Variants in DPP6 observed in about 807,000 individuals in gnomAD.
DPP6 encodes dipeptidyl peptidase like 6.
DPP6 carries 69 observed loss-of-function variants against 122.6 expected under a neutral mutation model. The observed-to-expected ratio is 0.56, with a 90% CI of 0.46 to 0.69. The LOEUF (loss-of-function observed/expected upper bound fraction) is 0.69. DPP6 is among the 30% of genes least tolerant of loss of function. DPP6 has a pLI of 0.00. For synonymous variants in DPP6, 418 were observed against 433.1 expected, an observed-to-expected ratio of 0.97 and a Z score of 0.43; for missense variants, 928 against 1,116.9, an observed-to-expected ratio of 0.83 and a Z score of 2.41.
chr7:154,782,234 A>T (rs1282375179), intron 10 of DPP6, among the ~76,000 whole-genome samples: 1 of 152,210 alleles, frequency 6.6e-6, no homozygotes, highest in Non-Finnish European at 1.5e-5. Flanking sequence ...TAGAATAAAG[A>T]GAAATTTGGT....
intron 1 of DPP6, among the ~76,000 whole-genome samples, chr7:154,211,538 A>G (rs1220393593): frequency 6.6e-6 from 1 of 152,182 alleles, no homozygotes; most frequent in African/African-American, 2.4e-5. Context: ...CTCTTTCAAA[A>G]TGAATTGTTG....
chr7:154,695,079 G>A (rs1840140942), intron 7 of DPP6, among the ~76,000 whole-genome samples: 1 of 152,244 alleles, frequency 6.6e-6, no homozygotes, highest in South Asian at 2.1e-4. Flanking sequence ...GGGTCAGCAA[G>A]TGATATTAGG....
intron 1 of DPP6, among the ~76,000 whole-genome samples, chr7:154,312,645 C>A (rs1056494977): frequency 3.9e-5 from 6 of 152,112 alleles, no homozygotes; most frequent in African/African-American, 9.7e-5. Context: ...GATGGGAGAC[C>A]AGCCAAATCT....
At chr7:154,343,860 C>T (rs191077464) in intron 1 of DPP6, among the ~76,000 whole-genome samples, 37 of 152,310 alleles carry the variant, frequency 2.4e-4, no homozygotes, top group East Asian at 2.3e-3. Flanking sequence ...GGATTACAGG[C>T]GTGTGCCACC....
At chr7:153,991,511 C>T (rs899967211) in intron 1 of DPP6, among the ~76,000 whole-genome samples, 5 of 152,068 alleles carry the variant, frequency 3.3e-5, no homozygotes, top group Non-Finnish European at 2.9e-5. Context: ...GTTTTAAAAA[C>T]GGAGCATTGA....
At chr7:153,887,207 C>T (rs1449079545) in exon 1 of DPP6, 1 of 153,096 alleles carries the variant, frequency 6.5e-6, no homozygotes, top group African/African-American at 2.4e-5. Flanking sequence ...CCGCTGCACC[C>T]CGCACCGCCT....
intron 1 of DPP6, among the ~76,000 whole-genome samples, chr7:153,959,697 T>G (rs1354361609): frequency 1.3e-5 from 2 of 152,256 alleles, no homozygotes; most frequent in African/African-American, 4.8e-5. Flanking sequence ...CTTAAGGGAA[T>G]GTGGTGGCTG....
chr7:154,463,657 G>A (rs980351978), intron 2 of DPP6, among the ~76,000 whole-genome samples: 5 of 151,948 alleles, frequency 3.3e-5, no homozygotes, highest in Non-Finnish European at 7.4e-5. Flanking sequence ...GATTATTTAG[G>A]GCCCAAGGGC....
intron 2 of DPP6, among the ~76,000 whole-genome samples, chr7:154,459,331 T>C (rs34447336): frequency 6.6e-6 from 1 of 152,180 alleles, no homozygotes; most frequent in African/African-American, 2.4e-5. Flanking sequence ...ATTTCCCTAT[T>C]GGGAGCACAC....
intron 1 of DPP6, among the ~76,000 whole-genome samples, chr7:154,027,581 C>T (rs545753422): frequency 1.1e-4 from 16 of 152,226 alleles, no homozygotes; most frequent in South Asian, 2.1e-4. Context: ...CTAACACCAT[C>T]GCTTCAGGGG....
chr7:154,165,713 A>T (rs1797214806), intron 1 of DPP6, among the ~76,000 whole-genome samples: 2 of 152,064 alleles, frequency 1.3e-5, no homozygotes, highest in African/African-American at 4.8e-5. Flanking sequence ...CTGATGTGAG[A>T]TGGTATCTCA....
intron 1 of DPP6, among the ~76,000 whole-genome samples, chr7:153,991,607 C>T (rs1004820003): frequency 2.6e-5 from 4 of 152,222 alleles, no homozygotes; most frequent in Admixed American, 6.5e-5. Flanking sequence ...TCTGGCTGCA[C>T]CTGCCTTTGC....
At chr7:154,676,223 C>A (rs1838894561) in intron 7 of DPP6, among the ~76,000 whole-genome samples, 1 of 149,000 alleles carries the variant, frequency 6.7e-6, no homozygotes, top group Non-Finnish European at 1.5e-5. Context: ...GCTGCCCTTC[C>A]CCATGTGACC....
At chr7:154,564,065 G>T (rs996518642) in intron 4 of DPP6, among the ~76,000 whole-genome samples, 1 of 152,164 alleles carries the variant, frequency 6.6e-6, no homozygotes, top group African/African-American at 2.4e-5. Flanking sequence ...AGAAAAGCAG[G>T]TGATGAGTGT....
chr7:154,875,681 G>C lies in DPP6; in HGVS notation c.1884-225G>C, dbSNP rs148116222. Among the ~76,000 whole-genome samples, 852 of 152,250 alleles carry C rather than the reference G, an allele frequency of 5.6e-3. 6 individuals are homozygous for C. The highest frequency in any genetic ancestry group is 0.02 in the African/African-American group (814 of 41,546). ...CGCCGGTGTGTGTAGGGATGGCCCT[G>C]GGTGTCCTAGGCTCTTGGAGGTCTC... On this transcript the variant is annotated intron_variant, in intron 19 of 25. Transcript: ENST00000377770. The surrounding 1 kb of genome is among the most constrained non-coding windows in gnomAD (Gnocchi z 4.5).
intron 1 of DPP6, among the ~76,000 whole-genome samples, chr7:154,080,876 A>C (rs1803946981): frequency 6.6e-6 from 1 of 152,230 alleles, no homozygotes; most frequent in Non-Finnish European, 1.5e-5. Flanking sequence ...CCATCCCCTC[A>C]TGAGGGCTCT....
chr7:154,238,885 A>G (rs1182089556), intron 1 of DPP6, among the ~76,000 whole-genome samples: 1 of 152,260 alleles, frequency 6.6e-6, no homozygotes, highest in Non-Finnish European at 1.5e-5. Context: ...GAAGTTAACA[A>G]CAGATCGGGC....
intron 1 of DPP6, among the ~76,000 whole-genome samples, chr7:154,283,674 G>C (rs1804671489): frequency 6.6e-6 from 1 of 152,216 alleles, no homozygotes. Flanking sequence ...GACAGAACTT[G>C]TGCATCGTTG....
At position 154,745,763 on chromosome 7, in the gene DPP6, A is replaced by G. The variant is rs143331338; in HGVS notation, c.883+17876A>G. On this transcript the variant is annotated intron_variant, in intron 8 of 25. Transcript: ENST00000377770. ...TGTTTAGGAGGTGCCAGGCTCTTTT[A>G]TAACAGCCCGCCCTCACAGGAGTGA... 2.3e-3 allele frequency among the ~76,000 whole-genome samples: 351 copies of G among 152,304 alleles called. 1 individual carries two copies. Among genetic ancestry groups the G allele is most frequent in the African/African-American group, 8.0e-3 (332 of 41,562 alleles).
Sources: allele counts gnomAD v4.1 joint callset (sites outside exome capture counted in the v4.1 genomes callset), GRCh38; gene constraint gnomAD v4.1.1; non-coding constraint Gnocchi (gnomAD v3.1); transcripts MANE v1.5; gene names NCBI Gene and HGNC (gene_info 2026-07-23, HGNC 2026-07-21).